HTR5A: variants seen among roughly 807,000 people sequenced by gnomAD.
HTR5A encodes 5-hydroxytryptamine receptor 5A.
Under a neutral mutation model 24.3 loss-of-function variants are expected in HTR5A, and 21 were observed. The observed-to-expected ratio is 0.86, with a 90% CI of 0.61 to 1.24. The LOEUF (loss-of-function observed/expected upper bound fraction) is 1.24, where lower values mean the gene tolerates loss of function less well. Among genes scored for constraint, HTR5A ranks in the 50% most tolerant of loss-of-function variants. HTR5A has a pLI of 0.00. For synonymous variants in HTR5A, 260 were observed against 213.7 expected, an observed-to-expected ratio of 1.22 and a Z score of -1.89; for missense variants, 497 against 489.5, an observed-to-expected ratio of 1.02 and a Z score of -0.15.
intron 1 of HTR5A, among the ~76,000 whole-genome samples, chr7:155,074,158 A>T (rs1308135756): frequency 6.6e-6 from 1 of 151,996 alleles, no homozygotes; most frequent in Admixed American, 6.6e-5. Flanking sequence ...TTCCCTGGGG[A>T]AACCACAACA....
In HTR5A at chr7:155,085,601, A is replaced by T. The variant is rs1215935532; in HGVS notation, c.*1114A>T. 1 of 152,186 alleles carries T rather than the reference A, an allele frequency of 6.6e-6. No homozygotes were observed. The highest frequency in any genetic ancestry group is 1.5e-5 in the Non-Finnish European group (1 of 68,014). 9.4% of individuals were successfully genotyped at this position (152,186 alleles called of 1,614,324 possible). On this transcript the variant is annotated 3_prime_UTR_variant, in exon 2 of 2. Coordinates refer to ENST00000287907, the MANE Select transcript of HTR5A (RefSeq NM_024012.4). ...GTATAATTTATGAGGTGAGGCAGTTAAGTGATGATGCAGCATTTGGATGAT... is the reference window on the plus strand; with the variant it reads ...GTATAATTTATGAGGTGAGGCAGTTTAGTGATGATGCAGCATTTGGATGAT...
rs1019207120 is a variant in HTR5A at position 155,070,408 on chromosome 7, C to A, written c.-492C>A. The stretch of plus-strand genomic sequence containing the variant: ...GGCAGGTCCCAGAAAGCAGGTTCCC[C>A]CAAAACTGGCTTCCCTAGCACGGAG... On this transcript the variant is annotated 5_prime_UTR_variant, in exon 1 of 2. Transcript: ENST00000287907. 5 of 454,962 alleles carry A rather than the reference C, an allele frequency of 1.1e-5. No homozygotes were observed. The highest frequency in any genetic ancestry group is 2.4e-5 in the Admixed American group (1 of 42,302). 28.2% of individuals were successfully genotyped at this position (454,962 alleles called of 1,614,324 possible). A position where few individuals can be genotyped will look rare whatever the true frequency, so the allele number is the denominator to read the frequency against.
intron 1 of HTR5A, among the ~76,000 whole-genome samples, chr7:155,080,926 T>C (rs926540580): frequency 2.0e-5 from 3 of 152,304 alleles, no homozygotes; most frequent in Admixed American, 2.0e-4. Flanking sequence ...TGACCTTAAT[T>C]GGCTGACTTT....
At position 155,071,298 on chromosome 7, in the gene HTR5A, G is replaced by A. The variant is rs774038878; in HGVS notation, c.399G>A (p.Thr133=). ...LCCTASIWNV[T]AIALDRYWSI... ...GCACGGCCAGCATCTGGAACGTGAC[G>A]GCCATAGCCCTGGACCGCTACTGGT... is the stretch of plus-strand genomic sequence containing the variant. Residue 133 remains threonine (T), a synonymous_variant, in exon 1 of 2, where the codon ACG becomes ACA. Coordinates refer to ENST00000287907, the MANE Select transcript of HTR5A (RefSeq NM_024012.4). The A allele has an allele frequency of 5.6e-6, 9 of 1,610,136 alleles. No homozygotes were observed. The South Asian group carries it at 7.7e-5, about 14-fold the overall frequency.
Position 155,087,116 on chromosome 7 carries a change from C to T in HTR5A, c.*2629C>T, listed in dbSNP as rs546592036. ...TCTCCTTATGAGTGATCTTAGCCCT[C>T]TTGAGGTCACTATCAGTTTTATATT... On this transcript the variant is annotated 3_prime_UTR_variant, in exon 2 of 2. Coordinates refer to ENST00000287907, the MANE Select transcript of HTR5A (RefSeq NM_024012.4). 6.6e-6 allele frequency among the ~76,000 whole-genome samples: 1 copy of T among 152,214 alleles called. No individual in the cohort carries two copies. Among genetic ancestry groups the T allele is most frequent in the African/African-American group, 2.4e-5 (1 of 41,536 alleles).
chr7:155,084,196 C>G lies in HTR5A; in HGVS notation c.783C>G (p.Val261=), dbSNP rs776996961. 6.2e-7 allele frequency: 1 copy of G among 1,613,424 alleles called. No homozygotes were observed. The highest frequency in any genetic ancestry group is 2.2e-5 in the East Asian group (1 of 44,862). Residue 261 remains valine, a synonymous_variant, in exon 2 of 2, where the codon GTC becomes GTG. Transcript: ENST00000287907. ...SAKQPQMVFT[V]RHATVTFQPE... is the part of the protein sequence containing the mutation. ...AACAGCCCCAGATGGTGTTCACGGTCCGCCACGCCACCGTCACCTTCCAGC... is the reference window on the plus strand; with the variant it reads ...AACAGCCCCAGATGGTGTTCACGGTGCGCCACGCCACCGTCACCTTCCAGC...
At chr7:155,073,895 A>ATATACG (rs1256184391) in intron 1 of HTR5A, among the ~76,000 whole-genome samples, 2 of 16,704 alleles carry the variant, frequency 1.2e-4, no homozygotes, top group Admixed American at 1.2e-3. Context: ...ATATGTATAT[A>ATATACG]TATATATATA....
Position 155,070,881 on chromosome 7 carries a change from G to GC in HTR5A, c.-18dup. ...ACACCCCTTCTGCAAGTACCCCAGG[G>GC]CGGTCTCCTGACCCAGAGATGGATT... On this transcript the variant is annotated 5_prime_UTR_variant, in exon 1 of 2. The change abolishes the stop of an existing upstream ORF in the 5' untranslated region. Coordinates refer to ENST00000287907, the MANE Select transcript of HTR5A (RefSeq NM_024012.4). 1.3e-6 allele frequency: 2 copies of GC among 1,584,920 alleles called. No individual in the cohort carries two copies. Among genetic ancestry groups the GC allele is most frequent in the Non-Finnish European group, 8.5e-7 (1 of 1,169,974 alleles).
intron 1 of HTR5A, among the ~76,000 whole-genome samples, chr7:155,079,223 G>A (rs1795390393): frequency 6.6e-6 from 1 of 152,144 alleles, no homozygotes; most frequent in Admixed American, 6.5e-5. Context: ...AAAGGGCTGG[G>A]ATTACAGGCA....
At chr7:155,082,417 C>T (rs1263971716) in intron 1 of HTR5A, among the ~76,000 whole-genome samples, 2 of 152,210 alleles carry the variant, frequency 1.3e-5, no homozygotes, top group Admixed American at 6.5e-5. Flanking sequence ...CCAGTGTGAA[C>T]AGCATCTCTA....
chr7:155,086,538 A>T lies in HTR5A; in HGVS notation c.*2051A>T, dbSNP rs1002094889. 6.6e-6 allele frequency among the ~76,000 whole-genome samples: 1 copy of T among 152,246 alleles called. No homozygotes were observed. Among genetic ancestry groups the T allele is most frequent in the Non-Finnish European group, 1.5e-5 (1 of 68,034 alleles). ...AGCTGAGGGTTTTATTAATGTTTTC[A>T]TAAGATGGATAAGCCTCATTATTCT... On this transcript the variant is annotated 3_prime_UTR_variant, in exon 2 of 2. Transcript: ENST00000287907.
Position 155,071,006 on chromosome 7 carries a change from T to C in HTR5A, c.107T>C (p.Leu36Pro), listed in dbSNP as rs1563417656. The stretch of plus-strand genomic sequence containing the variant: ...GACCTGCGCCCCAGCTCGCCCCTGC[T>C]CTCGGTCTTCGGAGTGCTTATTCTC... ...KDDLRPSSPL[L>P]SVFGVLILTL... The change falls in exon 1 of 2, where the codon CTC becomes CCC. Residue 36 changes from leucine (L) to proline (P), a missense_variant. Coordinates refer to ENST00000287907, the MANE Select transcript of HTR5A (RefSeq NM_024012.4). The C allele has an allele frequency of 6.2e-7, 1 of 1,611,876 alleles. No homozygotes were observed. The highest frequency in any genetic ancestry group is 1.1e-5 in the South Asian group (1 of 91,070).
intron 1 of HTR5A, among the ~76,000 whole-genome samples, chr7:155,078,488 T>C (rs911658763): frequency 2.0e-5 from 3 of 151,948 alleles, no homozygotes; most frequent in African/African-American, 7.3e-5. Flanking sequence ...AATTTTTGTA[T>C]TTTTTATAGA....
chr7:155,085,397 T>C lies in HTR5A; in HGVS notation c.*910T>C, dbSNP rs1318106190. 6.9e-6 allele frequency: 1 copy of C among 145,476 alleles called. No homozygotes were observed. The highest frequency in any genetic ancestry group is 1.6e-5 in the Non-Finnish European group (1 of 64,378). The allele number at this position is 145,476 out of a possible 1,614,324, so 9.0% of individuals were successfully genotyped here. ...AACTGCTGTAAGGTTGAGCATTTCA[T>C]GACCAATGACTATGAAGGCACATTC... is the stretch of plus-strand genomic sequence containing the variant. On this transcript the variant is annotated 3_prime_UTR_variant, in exon 2 of 2. Coordinates refer to ENST00000287907, the MANE Select transcript of HTR5A (RefSeq NM_024012.4).
chr7:155,082,601 C>A (rs528161641), intron 1 of HTR5A, among the ~76,000 whole-genome samples: 1 of 152,306 alleles, frequency 6.6e-6, no homozygotes, highest in South Asian at 2.1e-4. Context: ...AGGAGACTTT[C>A]CAGAGGGTTG....
chr7:155,084,049 CTT>C (rs1239742879), intron 1 of HTR5A, 104 bp from the exon 2 acceptor site: 34 of 906,162 alleles, frequency 3.8e-5, no homozygotes, highest in Non-Finnish European at 5.5e-5. Flanking sequence ...CCATCGAAGA[CTT>C]TCCCTTGAGT....
rs554695546 is a variant in HTR5A at position 155,080,697 on chromosome 7, G to A, written c.742-3458G>A. 7.2e-5 allele frequency among the ~76,000 whole-genome samples: 11 copies of A among 152,364 alleles called. No individual in the cohort carries two copies. The East Asian group carries it at 2.1e-3, about 29-fold the overall frequency. On this transcript the variant is annotated intron_variant, in intron 1 of 1. Coordinates refer to ENST00000287907, the MANE Select transcript of HTR5A (RefSeq NM_024012.4). ...TGCCCATCATCCATGATTCGGGGCA[G>A]TGTGGGGTTCAGAGACTGGAGGACA...
Position 155,074,448 on chromosome 7 carries a change from G to A in HTR5A, c.741+2808G>A, listed in dbSNP as rs118058348. ...GCTTTTGGGAGGTATGGAGCCTCAC[G>A]GATTGGTGGATTTTTGAGATGTGGG... On this transcript the variant is annotated intron_variant, in intron 1 of 1. Coordinates refer to ENST00000287907, the MANE Select transcript of HTR5A (RefSeq NM_024012.4). 7.6e-3 allele frequency among the ~76,000 whole-genome samples: 1,153 copies of A among 152,268 alleles called. 7 individuals are homozygous for A. The highest frequency in any genetic ancestry group is 0.012 in the Non-Finnish European group (784 of 68,016).
chr7:155,075,809 T>C (rs184703089), intron 1 of HTR5A, among the ~76,000 whole-genome samples: 1 of 152,310 alleles, frequency 6.6e-6, no homozygotes. Context: ...ATATAATATT[T>C]TATGTCAGCT....
Sources: gnomAD v4.1 joint callset for allele counts (sites outside exome capture counted in the v4.1 genomes callset) on GRCh38, gnomAD v4.1.1 for gene constraint, MANE v1.5 for transcripts, NCBI Gene and HGNC (gene_info 2026-07-23, HGNC 2026-07-21) for gene names.